SPAG7: variants seen among roughly 807,000 people sequenced by gnomAD.
The protein encoded by SPAG7 is sperm-associated antigen 7.
Under a neutral mutation model 30.6 loss-of-function variants are expected in SPAG7, and 20 were observed. That is an observed-to-expected ratio of 0.65 (90% CI 0.46 to 0.95). The LOEUF is 0.95. SPAG7 is among the 40% of genes least tolerant of loss of function. SPAG7 has a pLI of 0.00. For synonymous variants in SPAG7, 127 were observed against 104.2 expected, an observed-to-expected ratio of 1.22 and a Z score of -1.33; for missense variants, 276 against 291.1, an observed-to-expected ratio of 0.95 and a Z score of 0.38.
Position 4,960,239 on chromosome 17 carries a change from T to G in SPAG7, c.322A>C (p.Lys108Gln). The G allele has an allele frequency of 6.2e-7, 1 of 1,614,076 alleles. No individual in the cohort carries two copies. Among genetic ancestry groups the G allele is most frequent in the Non-Finnish European group, 8.5e-7 (1 of 1,179,928 alleles). ...DDDCRYVMIF[K>Q]KEFAPSDEEL... is the part of the protein sequence containing the mutation. ...GAGGAATTCAGGCCCTTTACCTTTTTGAAGATCATGACATAGCGACAGTCA... is the reference window on the plus strand; with the variant it reads ...GAGGAATTCAGGCCCTTTACCTTTTGGAAGATCATGACATAGCGACAGTCA... Residue 108 changes from lysine to glutamine, a missense_variant, in exon 4 of 7, where the codon AAA (lysine) becomes CAA (glutamine). Lys to Gln is a moderately conservative substitution (Grantham distance 53, BLOSUM62 1). Transcript: ENST00000206020.
chr17:4,960,942 T>G, intron 1 of SPAG7, 89 bp from the exon 2 acceptor site: 1 of 1,143,132 alleles, frequency 8.7e-7, no homozygotes, highest in Admixed American at 1.8e-5. Context: ...TGGTGTCCAC[T>G]GGGAGGTGTC....
At chr17:4,963,260 T>C (rs984211608) in intron 1 of SPAG7, among the ~76,000 whole-genome samples, 3 of 151,936 alleles carry the variant, frequency 2.0e-5, no homozygotes, top group Admixed American at 1.3e-4. Context: ...TGATGATGCA[T>C]GCCTGTAGTC....
intron 1 of SPAG7, among the ~76,000 whole-genome samples, chr17:4,963,779 TTC>T (rs776745939): frequency 2.0e-5 from 3 of 151,952 alleles, no homozygotes; most frequent in Non-Finnish European, 4.4e-5. Flanking sequence ...TTATTTAACT[TTC>T]TATATTTTGT....
chr17:4,967,752 A>G lies in SPAG7; in HGVS notation c.53T>C (p.Leu18Pro). Reference sequence around the variant, plus strand: ...CTTGCGCCGAGTCTCCTGGTCACCGAGGCTGGGTGGCTTCTCCATGGAGCT... The same window carrying G: ...CTTGCGCCGAGTCTCCTGGTCACCGGGGCTGGGTGGCTTCTCCATGGAGCT... ...ILSSMEKPPS[L>P]GDQETRRKAR... The change falls in exon 1 of 7, where the codon CTC becomes CCC. Residue 18 changes from leucine (L) to proline (P), a missense_variant. By Grantham distance (98) the Leu-to-Pro change is moderately conservative. Coordinates refer to ENST00000206020, the MANE Select transcript of SPAG7 (RefSeq NM_004890.3). 1 of 1,614,096 alleles carries G rather than the reference A, an allele frequency of 6.2e-7. No homozygotes were observed. Among genetic ancestry groups the G allele is most frequent in the Non-Finnish European group, 8.5e-7 (1 of 1,179,978 alleles).
intron 1 of SPAG7, chr17:4,965,998 A>C (rs1210239606): frequency 6.6e-6 from 1 of 151,690 alleles, no homozygotes; most frequent in East Asian, 1.9e-4. Flanking sequence ...GACTACAGGC[A>C]CGCGCCACCA....
Position 4,959,532 on chromosome 17 carries a change from G to C in SPAG7, c.*2C>G. 1 of 1,611,148 alleles carries C rather than the reference G, an allele frequency of 6.2e-7. No individual in the cohort carries two copies. Among genetic ancestry groups the C allele is most frequent in the Non-Finnish European group, 8.5e-7 (1 of 1,179,006 alleles). ...GGGGTCAAAGGGAGCTGGGCGGGGC[G>C]CCTAGGAGGTTGGCGGCAACTCTTC... is the stretch of plus-strand genomic sequence containing the variant. On this transcript the variant is annotated 3_prime_UTR_variant, in exon 7 of 7. Transcript: ENST00000206020.
intron 1 of SPAG7, chr17:4,967,044 A>G: frequency 1.0e-6 from 1 of 985,670 alleles, no homozygotes; most frequent in Non-Finnish European, 1.2e-6. Flanking sequence ...GCCCACCCGC[A>G]GGGAAGCTAC....
intron 1 of SPAG7, chr17:4,966,087 G>C (rs530954268): frequency 2.0e-5 from 3 of 152,160 alleles, no homozygotes; most frequent in African/African-American, 7.2e-5. Context: ...TCTTGATCTC[G>C]TGATCTGCCC....
At chr17:4,959,711 G>A (rs73343381) in intron 6 of SPAG7, 49 bp downstream of exon 6, 115,159 of 1,613,630 alleles carry the variant, frequency 0.071, 7,581 homozygotes, top group East Asian at 0.27. Context: ...CCCTCCTGCC[G>A]CATCCTATGC....
At chr17:4,960,346 G>C in intron 3 of SPAG7, 28 bp from the exon 4 acceptor site, 2 of 1,612,174 alleles carry the variant, frequency 1.2e-6, no homozygotes, top group Non-Finnish European at 1.7e-6. Flanking sequence ...AGGGGAAAGA[G>C]CATCTTGAGC....
intron 1 of SPAG7, among the ~76,000 whole-genome samples, chr17:4,964,135 G>A (rs1358823972): frequency 6.6e-6 from 1 of 151,652 alleles, no homozygotes; most frequent in Admixed American, 6.6e-5. Flanking sequence ...CTGGCTAAGG[G>A]TCTTATTTAA....
chr17:4,959,681 C>A (rs775539485), intron 6 of SPAG7, 38 bp from the exon 7 acceptor site: 2 of 1,613,360 alleles, frequency 1.2e-6, no homozygotes, highest in South Asian at 1.1e-5. Flanking sequence ...GCCTAGAAAT[C>A]CGTACCTCAG....
Position 4,960,102 on chromosome 17 carries a change from G to T in SPAG7, c.337C>A (p.Pro113Thr). The T allele has an allele frequency of 1.2e-6, 2 of 1,613,718 alleles. No homozygotes were observed. The highest frequency in any genetic ancestry group is 2.2e-5 in the South Asian group (2 of 91,078). The part of the protein sequence containing the change: ...YVMIFKKEFA[P>T]SDEELDSYRR... ...TAAGAGTCTAGCTCTTCATCTGAGG[G>T]TGCAAACTCCTGAAGAAGAGCAGAA... is the stretch of plus-strand genomic sequence containing the variant. Residue 113 changes from proline to threonine, a missense_variant, in exon 5 of 7, where the codon CCC becomes ACC. Transcript: ENST00000206020.
chr17:4,966,476 T>TA (rs1448204401), intron 1 of SPAG7: 6 of 625,526 alleles, frequency 9.6e-6, no homozygotes, highest in Non-Finnish European at 8.0e-6. Context: ...ATCCCCCACT[T>TA]AGACAGTCAT....
At chr17:4,965,830 A>AT (rs1971940814) in intron 1 of SPAG7, 1 of 145,292 alleles carries the variant, frequency 6.9e-6, no homozygotes, top group African/African-American at 2.6e-5. Context: ...GCTAATGTTT[A>AT]TTTATTTATT....
rs767232524 is a variant in SPAG7 at position 4,959,520 on chromosome 17, G to C, written c.*14C>G. 1.2e-6 allele frequency: 2 copies of C among 1,606,644 alleles called. No individual in the cohort carries two copies. The highest frequency in any genetic ancestry group is 2.7e-5 in the African/African-American group (2 of 74,814). On this transcript the variant is annotated 3_prime_UTR_variant, in exon 7 of 7. Coordinates refer to ENST00000206020, the MANE Select transcript of SPAG7 (RefSeq NM_004890.3). ...TGCCCTGCCCCAGGGGTCAAAGGGA[G>C]CTGGGCGGGGCGCCTAGGAGGTTGG... is the stretch of plus-strand genomic sequence containing the variant.
At chr17:4,967,072 A>C (rs2151150063) in intron 1 of SPAG7, 1 of 985,602 alleles carries the variant, frequency 1.0e-6, no homozygotes, top group African/African-American at 1.7e-5. Context: ...ACGCAGGCGG[A>C]GACAGTGGCC....
In SPAG7 at chr17:4,959,359, C is replaced by T; in HGVS notation, c.*175G>A. On this transcript the variant is annotated 3_prime_UTR_variant, in exon 7 of 7. Coordinates refer to ENST00000206020, the MANE Select transcript of SPAG7 (RefSeq NM_004890.3). Reference sequence around the variant, plus strand: ...CTCACACACACACACACATGCCACGCACATATCCAAGCTCCAACGGTGACA... The same window carrying T: ...CTCACACACACACACACATGCCACGTACATATCCAAGCTCCAACGGTGACA... 1.6e-6 allele frequency: 1 copy of T among 611,608 alleles called. No homozygotes were observed. Among genetic ancestry groups the T allele is most frequent in the Non-Finnish European group, 2.9e-6 (1 of 342,710 alleles). The allele number at this position is 611,608 out of a possible 1,614,324, so 37.9% of individuals were successfully genotyped here. A position where few individuals can be genotyped will look rare whatever the true frequency, so the allele number is the denominator to read the frequency against.
At chr17:4,963,659 A>G (rs1971901881) in intron 1 of SPAG7, among the ~76,000 whole-genome samples, 1 of 152,100 alleles carries the variant, frequency 6.6e-6, no homozygotes, top group Non-Finnish European at 1.5e-5. Flanking sequence ...GGGTTTCACC[A>G]TATTGGCCAG....
Sources: allele counts gnomAD v4.1 joint callset (sites outside exome capture counted in the v4.1 genomes callset), GRCh38; gene constraint gnomAD v4.1.1; transcripts MANE v1.5; gene names NCBI Gene and HGNC (gene_info 2026-07-23, HGNC 2026-07-21).